Variants in SLC25A21 observed in about 807,000 individuals in gnomAD.
The protein encoded by SLC25A21 is mitochondrial 2-oxodicarboxylate carrier.
In SLC25A21, 47 loss-of-function variants were observed where a neutral mutation model predicts 43.8. The ratio of observed to expected loss-of-function variants is 1.07; its 90% CI spans 0.85 to 1.37. The LOEUF is 1.37. SLC25A21 is among the 40% of genes most tolerant of loss of function. SLC25A21 has a pLI of 0.00. For missense variants in SLC25A21, 352 were observed against 350.2 expected (o/e 1.00, Z -0.04); for synonymous variants, 131 against 121.3 (o/e 1.08, Z -0.52).
At chr14:36,773,614 A>AT (rs1360846517) in intron 3 of SLC25A21, among the ~76,000 whole-genome samples, 1 of 152,258 alleles carries the variant, frequency 6.6e-6, no homozygotes, top group Non-Finnish European at 1.5e-5. Flanking sequence ...AAAAAGCAGC[A>AT]TACTAACAGC....
intron 6 of SLC25A21, among the ~76,000 whole-genome samples, chr14:36,721,316 T>G (rs1298129308): frequency 6.6e-6 from 1 of 152,230 alleles, no homozygotes; most frequent in East Asian, 1.9e-4. Flanking sequence ...CTATTACTAT[T>G]ATTTTTTCCT....
At chr14:37,067,088 T>C (rs1962076315) in intron 1 of SLC25A21, among the ~76,000 whole-genome samples, 1 of 152,094 alleles carries the variant, frequency 6.6e-6, no homozygotes, top group African/African-American at 2.4e-5. Flanking sequence ...GAGTAACATA[T>C]ATTTAACTAG....
At chr14:37,133,577 C>T (rs1029501742) in intron 1 of SLC25A21, among the ~76,000 whole-genome samples, 7 of 151,916 alleles carry the variant, frequency 4.6e-5, no homozygotes, top group African/African-American at 1.7e-4. Context: ...AATTTATCTC[C>T]CCTAAATAGA....
intron 3 of SLC25A21, among the ~76,000 whole-genome samples, chr14:36,785,442 A>G (rs1192305181): frequency 6.6e-6 from 1 of 152,198 alleles, no homozygotes; most frequent in Non-Finnish European, 1.5e-5. Context: ...CTGCATGTGA[A>G]TAGTAGAGAT....
chr14:37,101,249 A>G (rs1270667877), intron 1 of SLC25A21, among the ~76,000 whole-genome samples: 1 of 152,140 alleles, frequency 6.6e-6, no homozygotes, highest in Non-Finnish European at 1.5e-5. Flanking sequence ...CACTACAAAC[A>G]GTCTATATTT....
intron 2 of SLC25A21, among the ~76,000 whole-genome samples, chr14:36,824,428 A>G (rs975338310): frequency 2.0e-5 from 3 of 152,192 alleles, no homozygotes; most frequent in Non-Finnish European, 4.4e-5. Flanking sequence ...CCAATTTTCA[A>G]AAGCATTTCA....
intron 1 of SLC25A21, among the ~76,000 whole-genome samples, chr14:37,112,347 G>A (rs1342726225): frequency 1.3e-5 from 2 of 152,134 alleles, no homozygotes; most frequent in Non-Finnish European, 2.9e-5. Context: ...AAAGAAGGGA[G>A]AAGAGGCAAT....
At chr14:36,893,415 T>C (rs570044685) in intron 1 of SLC25A21, among the ~76,000 whole-genome samples, 3 of 152,308 alleles carry the variant, frequency 2.0e-5, no homozygotes, top group South Asian at 4.1e-4. Context: ...GTAAATTTGT[T>C]TGAGTTCATT....
intron 1 of SLC25A21, among the ~76,000 whole-genome samples, chr14:36,901,929 GACAA>G (rs775474810): frequency 7.7e-4 from 118 of 152,268 alleles, no homozygotes; most frequent in Non-Finnish European, 1.5e-3. Context: ...CACTGTGTAT[GACAA>G]ACATTCAAGT....
intron 7 of SLC25A21, among the ~76,000 whole-genome samples, chr14:36,708,887 T>G (rs891342106): frequency 6.7e-6 from 1 of 148,692 alleles, no homozygotes; most frequent in African/African-American, 2.5e-5. Flanking sequence ...CCAGCTCAGG[T>G]TTTTTTTTTA....
intron 3 of SLC25A21, among the ~76,000 whole-genome samples, chr14:36,796,363 T>G (rs1887669522): frequency 6.7e-6 from 1 of 149,548 alleles, no homozygotes; most frequent in Non-Finnish European, 1.5e-5. Context: ...ATTTATTTAT[T>G]TATTTATTTA....
chr14:36,726,818 A>G (rs1463254577), intron 5 of SLC25A21, among the ~76,000 whole-genome samples: 2 of 152,238 alleles, frequency 1.3e-5, no homozygotes, highest in Non-Finnish European at 2.9e-5. Flanking sequence ...ACTATAGACA[A>G]CCAAGAGAAG....
chr14:36,678,458 C>T lies in SLC25A21; in HGVS notation c.*2200G>A, dbSNP rs1367013396. The T allele has an allele frequency of 6.6e-7, 1 of 1,524,738 alleles. No individual in the cohort carries two copies. The highest frequency in any genetic ancestry group is 8.8e-7 in the Non-Finnish European group (1 of 1,135,612). The allele number at this position is 1,524,738 out of a possible 1,614,324, so 94.5% of individuals were successfully genotyped here. Reference sequence around the variant, plus strand: ...ATAGTCTTCCTTTGATCTTGTAAAACTTCCATTGACATCTGGAGTTCCCAG... The same window carrying T: ...ATAGTCTTCCTTTGATCTTGTAAAATTTCCATTGACATCTGGAGTTCCCAG... On this transcript the variant is annotated 3_prime_UTR_variant, in exon 10 of 10. Coordinates refer to ENST00000331299, the MANE Select transcript of SLC25A21 (RefSeq NM_030631.4).
Position 36,679,962 on chromosome 14 carries a change from T to TAAAACAC in SLC25A21, c.*695_*696insGTGTTTT, listed in dbSNP as rs76021271. The TAAAACAC allele has an allele frequency of 3.0e-3, 2,597 of 876,888 alleles. 13 individuals are homozygous for TAAAACAC. Among genetic ancestry groups the TAAAACAC allele is most frequent in the Middle Eastern group, 3.5e-3 (6 of 1,698 alleles). The allele number at this position is 876,888 out of a possible 1,614,324, so 54.3% of individuals were successfully genotyped here. A position where few individuals can be genotyped will look rare whatever the true frequency, so the allele number is the denominator to read the frequency against. On this transcript the variant is annotated 3_prime_UTR_variant, in exon 10 of 10. Coordinates refer to ENST00000331299, the MANE Select transcript of SLC25A21 (RefSeq NM_030631.4). The stretch of plus-strand genomic sequence containing the variant: ...TTTAAACATGCTTAAACAACAGTGT[T>TAAAACAC]TTAACATTCTGTTTTAAACAATGTT...
chr14:36,911,092 T>A (rs1345713599), intron 1 of SLC25A21, among the ~76,000 whole-genome samples: 1 of 152,228 alleles, frequency 6.6e-6, no homozygotes, highest in Non-Finnish European at 1.5e-5. Context: ...TCTACTCTTA[T>A]GATGGCATTT....
In SLC25A21 at chr14:36,792,590, C is replaced by T. The variant is rs114052392; in HGVS notation, c.203+21328G>A. On this transcript the variant is annotated intron_variant, in intron 3 of 9. Coordinates refer to ENST00000331299, the MANE Select transcript of SLC25A21 (RefSeq NM_030631.4). The stretch of plus-strand genomic sequence containing the variant: ...CCAAAGTGCAGGCAACTTCAGGGCA[C>T]GCAAAGGACACCATCTAGCTAATGA... Among the ~76,000 whole-genome samples, 1,049 of 152,154 alleles carry T rather than the reference C, an allele frequency of 6.9e-3. 10 individuals carry two copies. Among genetic ancestry groups the T allele is most frequent in the African/African-American group, 0.023 (959 of 41,522 alleles).
chr14:37,151,299 G>A (rs574618165), intron 1 of SLC25A21, among the ~76,000 whole-genome samples: 29 of 152,246 alleles, frequency 1.9e-4, no homozygotes, highest in Admixed American at 1.6e-3. Flanking sequence ...AGTTGTGTGC[G>A]AATTCAGTTA....
intron 1 of SLC25A21, among the ~76,000 whole-genome samples, chr14:36,982,643 T>C (rs11850139): frequency 0.44 from 66,437 of 151,838 alleles, 18,054 homozygotes; most frequent in African/African-American, 0.78. Context: ...GGCAAAACCC[T>C]GTCTCTATCA....
In SLC25A21 at chr14:36,680,667, C is replaced by T. The variant is rs1882200936; in HGVS notation, c.891G>A (p.Glu297=). 6.2e-7 allele frequency: 1 copy of T among 1,612,628 alleles called. No homozygotes were observed. The highest frequency in any genetic ancestry group is 8.5e-7 in the Non-Finnish European group (1 of 1,179,380). Residue 297 remains glutamate (E), a synonymous_variant, in exon 10 of 10, where the codon GAG becomes GAA. Coordinates refer to ENST00000331299, the MANE Select transcript of SLC25A21 (RefSeq NM_030631.4). ...AACACTTCATAGGCAATCACCAGTT[C>T]TCTTGAAGCCATGAATAGGTGTATT... ...VYEYTYSWLQ[E]NW
Sources: gnomAD v4.1 joint callset for allele counts (sites outside exome capture counted in the v4.1 genomes callset) on GRCh38, gnomAD v4.1.1 for gene constraint, MANE v1.5 for transcripts, NCBI Gene and HGNC (gene_info 2026-07-23, HGNC 2026-07-21) for gene names.